PCMTD1: variants seen among roughly 807,000 people sequenced by gnomAD.
PCMTD1 encodes the protein protein-L-isoaspartate O-methyltransferase domain-containing protein 1.
In PCMTD1, 12 loss-of-function variants were observed where a neutral mutation model predicts 37.6. The observed-to-expected ratio is 0.32, with a 90% CI of 0.20 to 0.52. PCMTD1 has a LOEUF of 0.52. Among genes scored for constraint, PCMTD1 ranks in the 20% least tolerant of loss-of-function variants. The probability of loss-of-function intolerance (pLI) is 0.97; values close to 1 mark genes in which losing one functional copy is unlikely to be tolerated. For synonymous variants in PCMTD1, 117 were observed against 135.8 expected (o/e 0.86, Z 0.96); for missense variants, 235 against 421.3 (o/e 0.56, Z 3.87).
rs1162903158 is a variant in PCMTD1, at chr8:51,831,123, CAG to C, written c.706+319_706+320del. On this transcript the variant is annotated intron_variant, in intron 5 of 5. Coordinates refer to ENST00000522514, the MANE Select transcript of PCMTD1 (RefSeq NM_052937.4). The stretch of plus-strand genomic sequence containing the variant: ...GGCCAGCCTGGCCAACATGGTGAAA[CAG>C]CGTCTCTTCTAAAAATACAAAAATT... Among the ~76,000 whole-genome samples, 25 of 151,936 alleles carry C rather than the reference CAG, an allele frequency of 1.6e-4. 1 individual carries two copies. The highest frequency in any genetic ancestry group is 3.2e-4 in the Non-Finnish European group (22 of 68,010).
At chr8:51,859,117 T>C (rs1215533174) in intron 2 of PCMTD1, among the ~76,000 whole-genome samples, 1 of 152,112 alleles carries the variant, frequency 6.6e-6, no homozygotes, top group African/African-American at 2.4e-5. Flanking sequence ...TGGCACATAC[T>C]AGAGAAGGGT....
chr8:51,892,410 T>C (rs925095565), intron 1 of PCMTD1, among the ~76,000 whole-genome samples: 5 of 152,228 alleles, frequency 3.3e-5, no homozygotes, highest in African/African-American at 1.2e-4. Flanking sequence ...TCCAACTCGA[T>C]TGTCAACTAT....
At chr8:51,873,864 TTTTC>T (rs2038674091) in intron 1 of PCMTD1, among the ~76,000 whole-genome samples, 2 of 152,070 alleles carry the variant, frequency 1.3e-5, no homozygotes, top group African/African-American at 2.4e-5. Context: ...AACAAGCCTA[TTTTC>T]TTTAAAAATT....
Position 51,837,533 on chromosome 8 carries a change from G to C in PCMTD1, c.411-3844C>G, listed in dbSNP as rs550227865. Among the ~76,000 whole-genome samples the C allele has an allele frequency of 7.2e-5, 11 of 152,218 alleles. No individual in the cohort carries two copies. The South Asian group carries it at 2.3e-3, about 32-fold the overall frequency. The stretch of plus-strand genomic sequence containing the variant: ...AAACTGTAACACTACCAATTTTAGT[G>C]TCCTAAGGATTATTATTTAAATATG... On this transcript the variant is annotated intron_variant, in intron 3 of 5. Coordinates refer to ENST00000522514, the MANE Select transcript of PCMTD1 (RefSeq NM_052937.4).
At chr8:51,823,117 G>A (rs7832200) in intron 5 of PCMTD1, among the ~76,000 whole-genome samples, 3,329 of 152,274 alleles carry the variant, frequency 0.022, 118 homozygotes, top group African/African-American at 0.075. Context: ...CTTGACTTCA[G>A]TAGCTGCTAA....
At chr8:51,879,830 A>G (rs2038766849) in intron 1 of PCMTD1, among the ~76,000 whole-genome samples, 1 of 152,206 alleles carries the variant, frequency 6.6e-6, no homozygotes, top group South Asian at 2.1e-4. Flanking sequence ...CATGTGGCAA[A>G]GGGTTGATAG....
Position 51,831,559 on chromosome 8 carries a change from C to G in PCMTD1, c.591G>C (p.Gln197His), listed in dbSNP as rs1316570641. ...LVMPIEDQLT[Q>H]IMRTGQNTWE... ...AAGTGTTCTGTCCAGTTCGCATAAT[C>G]TGTGTTAACTATTTAGAGAAAAAAA... Residue 197 changes from glutamine (Q) to histidine (H), a missense_variant, in exon 5 of 6, where the codon CAG becomes CAC. Physicochemically the swap from Gln to His is conservative, Grantham distance 24. Coordinates refer to ENST00000522514, the MANE Select transcript of PCMTD1 (RefSeq NM_052937.4). The G allele has an allele frequency of 6.2e-7, 1 of 1,610,436 alleles. No homozygotes were observed. Among genetic ancestry groups the G allele is most frequent in the Non-Finnish European group, 8.5e-7 (1 of 1,178,524 alleles).
In PCMTD1 at chr8:51,820,665, T is replaced by C; in HGVS notation, c.760A>G (p.Thr254Ala). The change falls in exon 6 of 6, where the codon ACA becomes GCA. Residue 254 changes from threonine to alanine, a missense_variant. By Grantham distance (58) the Thr-to-Ala change is moderately conservative (BLOSUM62 0). Transcript: ENST00000522514. ...QDLARIYIRR[T>A]LRNFINDEMQ... is the part of the protein sequence containing the mutation. ...TCATCATTTATGAAATTTCTAAGTG[T>C]GCGTCGAATGTAAATACGAGCCAAG... The C allele has an allele frequency of 6.2e-7, 1 of 1,613,740 alleles. No homozygotes were observed. The highest frequency in any genetic ancestry group is 8.5e-7 in the Non-Finnish European group (1 of 1,179,900).
chr8:51,858,464 A>G (rs1253382743), intron 2 of PCMTD1, among the ~76,000 whole-genome samples: 1 of 152,224 alleles, frequency 6.6e-6, no homozygotes, highest in Non-Finnish European at 1.5e-5. Context: ...ACTATACTCA[A>G]TAATCACAGG....
intron 1 of PCMTD1, among the ~76,000 whole-genome samples, chr8:51,865,721 CAA>C (rs899590468): frequency 4.0e-4 from 61 of 151,864 alleles, no homozygotes; most frequent in African/African-American, 1.4e-3. Flanking sequence ...CAAACATACT[CAA>C]TGATGAAAAG....
intron 1 of PCMTD1, among the ~76,000 whole-genome samples, chr8:51,895,357 T>C (rs994058901): frequency 2.0e-5 from 3 of 152,212 alleles, no homozygotes; most frequent in Admixed American, 2.0e-4. Flanking sequence ...GATAACATGA[T>C]TATCATTAAA....
intron 5 of PCMTD1, 101 bp from the exon 6 acceptor site, chr8:51,820,819 TAGAAAATAC>T: frequency 3.1e-6 from 4 of 1,288,080 alleles, no homozygotes; most frequent in South Asian, 1.7e-5. Flanking sequence ...TAGCATATTT[TAGAAAATAC>T]AGAAAATATG....
At chr8:51,887,731 A>T (rs973251814) in intron 1 of PCMTD1, among the ~76,000 whole-genome samples, 68 of 144,412 alleles carry the variant, frequency 4.7e-4, no homozygotes, top group African/African-American at 1.6e-3. Flanking sequence ...TTCACAAAAA[A>T]GTTTTCATAA....
At chr8:51,895,519 T>C (rs1014954095) in intron 1 of PCMTD1, among the ~76,000 whole-genome samples, 1 of 152,226 alleles carries the variant, frequency 6.6e-6, no homozygotes, top group African/African-American at 2.4e-5. Flanking sequence ...AGTTGAGTTA[T>C]TTCTGGCTAC....
chr8:51,898,798 C>T (rs1360079446), intron 1 of PCMTD1, 132 bp downstream of exon 1: 5 of 927,376 alleles, frequency 5.4e-6, no homozygotes, highest in Non-Finnish European at 7.0e-6. Flanking sequence ...CTTAAGTCCC[C>T]CTGCCCCCGA....
rs534873749 is a variant in PCMTD1 at position 51,875,055 on chromosome 8, G to A, written c.-95-13809C>T. ...AACCTACTTCAAATATTAGAACACA[G>A]GAATACAAGGCCAAAAAGATCTAAT... On this transcript the variant is annotated intron_variant, in intron 1 of 5. Transcript: ENST00000522514. Among the ~76,000 whole-genome samples the A allele has an allele frequency of 3.3e-5, 5 of 152,146 alleles. No homozygotes were observed. In the South Asian group the frequency reaches 1.0e-3, roughly 32 times the overall value.
At chr8:51,821,740 G>GTTT (rs1162378729) in intron 5 of PCMTD1, among the ~76,000 whole-genome samples, 1 of 147,076 alleles carries the variant, frequency 6.8e-6, no homozygotes, top group African/African-American at 2.6e-5. Context: ...TTCTGGTTTT[G>GTTT]TTTTTTTTTT....
intron 3 of PCMTD1, among the ~76,000 whole-genome samples, chr8:51,840,853 A>T (rs2038138170): frequency 6.6e-6 from 1 of 152,150 alleles, no homozygotes; most frequent in Non-Finnish European, 1.5e-5. Context: ...AATTCATGCC[A>T]TAGGCAAGTC....
At chr8:51,840,415 T>C (rs2038130083) in intron 3 of PCMTD1, among the ~76,000 whole-genome samples, 2 of 152,172 alleles carry the variant, frequency 1.3e-5, no homozygotes, top group African/African-American at 2.4e-5. Context: ...CATCTGAATG[T>C]CTGTCATAAT....
Sources: allele counts gnomAD v4.1 joint callset (sites outside exome capture counted in the v4.1 genomes callset), GRCh38; gene constraint gnomAD v4.1.1; transcripts MANE v1.5; gene names NCBI Gene and HGNC (gene_info 2026-07-23, HGNC 2026-07-21).